The following SAMM50 variants were observed in gnomAD, a reference collection of about 807,000 sequenced individuals.
SAMM50 encodes sorting and assembly machinery component 50 homolog.
In SAMM50, 47 loss-of-function variants were observed where a neutral mutation model predicts 66.9. The observed-to-expected ratio is 0.70, with a 90% confidence interval of 0.56 to 0.90. The LOEUF (loss-of-function observed/expected upper bound fraction) is 0.90. Ranked by LOEUF, SAMM50 falls within the 40% of genes least tolerant of loss-of-function variation. The pLI is 0.00. For synonymous variants in SAMM50, 191 were observed against 214.1 expected (o/e 0.89, Z 0.94); for missense variants, 535 against 595.3 (o/e 0.90, Z 1.05).
chr22:43,982,918 G>A (rs1044588722), intron 11 of SAMM50, among the ~76,000 whole-genome samples: 1 of 152,192 alleles, frequency 6.6e-6, no homozygotes, highest in African/African-American at 2.4e-5. Flanking sequence ...TTACAGGCGC[G>A]AGCTACCGCA....
At chr22:43,959,225 T>A (rs2050136000) in intron 1 of SAMM50, among the ~76,000 whole-genome samples, 1 of 151,904 alleles carries the variant, frequency 6.6e-6, no homozygotes, top group South Asian at 2.1e-4. Flanking sequence ...CACCATGTTG[T>A]CCAGGCTGGT....
intron 11 of SAMM50, among the ~76,000 whole-genome samples, chr22:43,981,817 A>G (rs1435988265): frequency 6.6e-6 from 1 of 152,226 alleles, no homozygotes; most frequent in Non-Finnish European, 1.5e-5. Context: ...TTGTAGTGGC[A>G]TATGTTTCAT....
In SAMM50 at chr22:43,968,768, T is replaced by C; in HGVS notation, c.272T>C (p.Leu91Pro). The C allele has an allele frequency of 6.2e-7, 1 of 1,613,636 alleles. No individual in the cohort carries two copies. The highest frequency in any genetic ancestry group is 8.5e-7 in the Non-Finnish European group (1 of 1,179,478). ...RKSHEAREKLLRLGIFRQVDV... is the reference protein window; with the variant it reads ...RKSHEAREKLPRLGIFRQVDV... ...TCTCATGAAGCCCGTGAAAAATTGCTCCGTCTTGGAATTTTTAGACAAGTG... is the reference window on the plus strand; with the variant it reads ...TCTCATGAAGCCCGTGAAAAATTGCCCCGTCTTGGAATTTTTAGACAAGTG... The change falls in exon 4 of 15, where the codon CTC becomes CCC. Residue 91 changes from leucine (L) to proline (P), a missense_variant. Coordinates refer to ENST00000350028, the MANE Select transcript of SAMM50 (RefSeq NM_015380.5).
At chr22:43,967,928 G>C (rs1039090291) in intron 3 of SAMM50, among the ~76,000 whole-genome samples, 1 of 152,170 alleles carries the variant, frequency 6.6e-6, no homozygotes, top group Admixed American at 6.5e-5. Context: ...AGTGGTTAGA[G>C]ATGGTTAGAA....
chr22:43,978,432 C>CAAAAAAA lies in SAMM50; in HGVS notation c.936+489_936+495dup, dbSNP rs71313377. ...CCTGGGTGACAGAGAGACTCCTTCT[C>CAAAAAAA]AAAAAAAAAAAAAAAAAAAAAGTAA... On this transcript the variant is annotated intron_variant, in intron 10 of 14. Coordinates refer to ENST00000350028, the MANE Select transcript of SAMM50 (RefSeq NM_015380.5). 4.9e-3 allele frequency among the ~76,000 whole-genome samples: 336 copies of CAAAAAAA among 68,960 alleles called. 14 individuals carry two copies. Among genetic ancestry groups the CAAAAAAA allele is most frequent in the African/African-American group, 0.016 (266 of 16,616 alleles). The allele number at this position is 68,960 out of a possible 152,430, so 45.2% of individuals were successfully genotyped here.
chr22:43,977,993 C>A, intron 10 of SAMM50, 35 bp downstream of exon 10: 1 of 1,396,102 alleles, frequency 7.2e-7, no homozygotes, highest in Non-Finnish European at 1.0e-6. Context: ...CCTGCACTGT[C>A]AGCCCTTACT....
At chr22:43,967,336 C>G (rs2050178590) in intron 3 of SAMM50, among the ~76,000 whole-genome samples, 1 of 152,230 alleles carries the variant, frequency 6.6e-6, no homozygotes, top group African/African-American at 2.4e-5. Flanking sequence ...CTGAAGTCAT[C>G]CCTTTTCCAT....
chr22:43,963,753 AC>A, intron 2 of SAMM50, among the ~76,000 whole-genome samples: 1 of 152,278 alleles, frequency 6.6e-6, no homozygotes, highest in East Asian at 1.9e-4. Context: ...TAAATTTATT[AC>A]CTTTGAAATT....
chr22:43,967,300 C>T (rs764351169), intron 3 of SAMM50, among the ~76,000 whole-genome samples: 1 of 152,222 alleles, frequency 6.6e-6, no homozygotes, highest in Non-Finnish European at 1.5e-5. Context: ...TTGCCACAGC[C>T]GTCTCCAGCT....
chr22:43,963,916 A>ATTTTTTTTTTTTTTTT (rs2050159971), intron 2 of SAMM50, among the ~76,000 whole-genome samples: 2 of 150,554 alleles, frequency 1.3e-5, no homozygotes, highest in African/African-American at 5.0e-5. Context: ...TTATTTTTAA[A>ATTTTTTTTTTTTTTTT]ATTTTTTTTG....
At chr22:43,994,388 C>T (rs534437566) in intron 14 of SAMM50, among the ~76,000 whole-genome samples, 6 of 152,260 alleles carry the variant, frequency 3.9e-5, no homozygotes, top group Admixed American at 6.5e-5. Flanking sequence ...CCTTGTTCAC[C>T]GCTGAGGTCC....
chr22:43,978,413 T>G (rs2050245039), intron 10 of SAMM50, among the ~76,000 whole-genome samples: 1 of 118,956 alleles, frequency 8.4e-6, no homozygotes, highest in Non-Finnish European at 1.6e-5. Flanking sequence ...CCAGCCTGGG[T>G]GACAGAGAGA....
intron 7 of SAMM50, 126 bp downstream of exon 7, chr22:43,973,449 C>T (rs2235772): frequency 0.33 from 209,052 of 626,364 alleles, 36,877 homozygotes; most frequent in East Asian, 0.49. Context: ...CACCAGGTAC[C>T]TCCTGGCCAG....
In SAMM50 at chr22:43,972,244, G is replaced by A. The variant is rs770409380; in HGVS notation, c.331G>A (p.Ala111Thr). Residue 111 changes from alanine (A) to threonine (T), a missense_variant, in exon 5 of 15, where the codon GCA (alanine) becomes ACA (threonine). Coordinates refer to ENST00000350028, the MANE Select transcript of SAMM50 (RefSeq NM_015380.5). ...AATATTTTTTTATTTAGGTGATGAC[G>A]CACTTCCAAATGGGTTAGACGTTAC... ...VLIDTCQGDD[A>T]LPNGLDVTFE... is the part of the protein sequence containing the mutation. The A allele has an allele frequency of 2.6e-5, 41 of 1,567,404 alleles. No individual in the cohort carries two copies. Among genetic ancestry groups the A allele is most frequent in the Non-Finnish European group, 3.1e-5 (36 of 1,158,854 alleles).
intron 12 of SAMM50, chr22:43,987,816 C>T (rs1280629185): frequency 2.0e-5 from 3 of 151,614 alleles, no homozygotes; most frequent in Non-Finnish European, 4.4e-5. Flanking sequence ...GGCATAAAAA[C>T]CCCATTTTCA....
At chr22:43,982,575 T>C (rs924333064) in intron 11 of SAMM50, among the ~76,000 whole-genome samples, 1 of 152,204 alleles carries the variant, frequency 6.6e-6, no homozygotes, top group Non-Finnish European at 1.5e-5. Flanking sequence ...TCACTCGTTA[T>C]GTTATATGCA....
At chr22:43,970,847 AAAT>A (rs1334791832) in intron 4 of SAMM50, among the ~76,000 whole-genome samples, 1 of 152,104 alleles carries the variant, frequency 6.6e-6, no homozygotes, top group African/African-American at 2.4e-5. Context: ...AAATAAAGTA[AAAT>A]AAAAAATAAA....
At chr22:43,994,238 G>A (rs966727929) in intron 14 of SAMM50, among the ~76,000 whole-genome samples, 10 of 152,184 alleles carry the variant, frequency 6.6e-5, no homozygotes, top group African/African-American at 2.4e-4. Flanking sequence ...GGCGGGCACC[G>A]GGCAGAACCG....
chr22:43,960,369 G>A (rs1169329560), intron 1 of SAMM50, among the ~76,000 whole-genome samples: 1 of 152,114 alleles, frequency 6.6e-6, no homozygotes, highest in Non-Finnish European at 1.5e-5. Flanking sequence ...TGAAAGAACG[G>A]AAAAGTCGTT....
Sources: allele counts gnomAD v4.1 joint callset (sites outside exome capture counted in the v4.1 genomes callset), GRCh38; gene constraint gnomAD v4.1.1; transcripts MANE v1.5; gene names NCBI Gene and HGNC (gene_info 2026-07-23, HGNC 2026-07-21).